MMS22L: variants seen among roughly 807,000 people sequenced by gnomAD.
MMS22L encodes the protein MMS22 like, DNA repair protein, also known as protein MMS22-like.
In MMS22L, 74 loss-of-function variants were observed where a neutral mutation model predicts 159.1. The observed-to-expected ratio is 0.47, with a 90% CI of 0.39 to 0.56. The LOEUF is 0.56. Ranked by LOEUF, MMS22L falls within the 20% of genes least tolerant of loss-of-function variation. The pLI is 0.00. For synonymous variants in MMS22L, 517 were observed against 506.9 expected (o/e 1.02, Z -0.27); for missense variants, 1,351 against 1,422.1 (o/e 0.95, Z 0.80).
At chr6:97,227,891 C>G (rs996312103) in intron 14 of MMS22L, among the ~76,000 whole-genome samples, 1 of 152,182 alleles carries the variant, frequency 6.6e-6, no homozygotes, top group African/African-American at 2.4e-5. Context: ...TTGTTCTTAT[C>G]CACATCAAGT....
chr6:97,202,311 A>G (rs1807260715), intron 14 of MMS22L, among the ~76,000 whole-genome samples: 1 of 152,182 alleles, frequency 6.6e-6, no homozygotes, highest in African/African-American at 2.4e-5. Context: ...CACTAACAGA[A>G]GGGTGTTTAC....
intron 14 of MMS22L, among the ~76,000 whole-genome samples, chr6:97,218,194 A>G (rs1007222036): frequency 1.3e-5 from 2 of 152,202 alleles, no homozygotes; most frequent in African/African-American, 4.8e-5. Context: ...AACTGGGAAG[A>G]ACAAACCTCC....
chr6:97,196,114 C>G (rs1806472407), intron 14 of MMS22L, among the ~76,000 whole-genome samples: 1 of 152,096 alleles, frequency 6.6e-6, no homozygotes, highest in African/African-American at 2.4e-5. Flanking sequence ...CCTAATAGTT[C>G]AGATCATCTT....
chr6:97,280,070 A>G (rs1474189890), intron 3 of MMS22L, among the ~76,000 whole-genome samples: 1 of 152,196 alleles, frequency 6.6e-6, no homozygotes, highest in African/African-American at 2.4e-5. Context: ...TCAGGATTAC[A>G]GAGGATCACT....
intron 8 of MMS22L, chr6:97,266,018 C>T (rs1288055235): frequency 7.2e-5 from 11 of 152,212 alleles, no homozygotes; most frequent in Admixed American, 7.2e-4. Flanking sequence ...CCGCGCCTAG[C>T]TGACATTTCT....
intron 14 of MMS22L, among the ~76,000 whole-genome samples, chr6:97,195,564 A>C (rs1806403598): frequency 6.6e-6 from 1 of 151,504 alleles, no homozygotes; most frequent in African/African-American, 2.5e-5. Context: ...TTGTTCAGTC[A>C]TATGTTTTCT....
At chr6:97,235,220 T>A (rs1244930758) in intron 11 of MMS22L, among the ~76,000 whole-genome samples, 2 of 152,136 alleles carry the variant, frequency 1.3e-5, no homozygotes, top group African/African-American at 2.4e-5. Context: ...TGCTGGTAAA[T>A]TACATTAAAG....
chr6:97,210,306 T>C (rs2127941818), intron 14 of MMS22L, among the ~76,000 whole-genome samples: 1 of 152,052 alleles, frequency 6.6e-6, no homozygotes, highest in South Asian at 2.1e-4. Context: ...GAATCAGGTA[T>C]CAATTTTAAC....
At chr6:97,236,014 C>T (rs986341643) in intron 11 of MMS22L, among the ~76,000 whole-genome samples, 3 of 152,028 alleles carry the variant, frequency 2.0e-5, no homozygotes, top group African/African-American at 4.8e-5. Flanking sequence ...GAGAAGAGTA[C>T]GTATTAAATT....
chr6:97,233,910 G>A lies in MMS22L; in HGVS notation c.1253C>T (p.Pro418Leu). 6.2e-7 allele frequency: 1 copy of A among 1,611,300 alleles called. No homozygotes were observed. Among genetic ancestry groups the A allele is most frequent in the Non-Finnish European group, 8.5e-7 (1 of 1,178,676 alleles). The change falls in exon 12 of 25, where the codon CCA (proline) becomes CTA (leucine). Residue 418 changes from proline (P) to leucine (L), a missense_variant. By Grantham distance (98) the Pro-to-Leu change is moderately conservative (BLOSUM62 -3). Transcript: ENST00000683635. ...TAAAATGGTAACAATTGCAATGTTT[G>A]GCTCCCAGAAATCACAAAGTGTCAA... ...CCLTLCDFWE[P>L]NIAIVTILWE... is the part of the protein sequence containing the mutation.
chr6:97,186,705 A>C lies in MMS22L; in HGVS notation c.2040-15T>G. 1 of 1,493,508 alleles carries C rather than the reference A, an allele frequency of 6.7e-7. No homozygotes were observed. Among genetic ancestry groups the C allele is most frequent in the African/African-American group, 1.4e-5 (1 of 69,714 alleles). The allele number at this position is 1,493,508 out of a possible 1,614,324, so 92.5% of individuals were successfully genotyped here. A position where few individuals can be genotyped will look rare whatever the true frequency, so the allele number is the denominator to read the frequency against. On this transcript the variant is annotated splice_polypyrimidine_tract_variant and intron_variant, in intron 14 of 24. Transcript: ENST00000683635. Reference sequence around the variant, plus strand: ...GATGCATACTCCTAAAAAGAAATAAAAATACAGCTAACACCCTTAATAAAT... The same window carrying C: ...GATGCATACTCCTAAAAAGAAATAACAATACAGCTAACACCCTTAATAAAT...
intron 10 of MMS22L, among the ~76,000 whole-genome samples, chr6:97,250,862 T>G (rs1346610177): frequency 6.6e-6 from 1 of 152,214 alleles, no homozygotes; most frequent in Non-Finnish European, 1.5e-5. Flanking sequence ...TAGCCATTAT[T>G]ACTTCATATC....
intron 14 of MMS22L, among the ~76,000 whole-genome samples, chr6:97,198,427 G>A (rs1209959105): frequency 6.6e-6 from 1 of 152,108 alleles, no homozygotes; most frequent in East Asian, 1.9e-4. Flanking sequence ...AGCTGCCCTT[G>A]GCTTTTCAAA....
Position 97,151,799 on chromosome 6 carries a change from GTTC to G in MMS22L, c.3451_3453del (p.Glu1151del), listed in dbSNP as rs1451434256. 3.7e-6 allele frequency: 6 copies of G among 1,613,510 alleles called. No individual in the cohort carries two copies. In the East Asian group the frequency reaches 6.7e-5, roughly 18 times the overall value. On this transcript the variant is annotated inframe_deletion, in exon 23 of 25. Transcript: ENST00000683635. ...AACACAGAAGTCAGCTGGGAGGAAG[GTTC>G]TTCTTCTGACCCCACTTGGCAGGCT...
Position 97,281,372 on chromosome 6 carries a change from A to G in MMS22L, c.165-10T>C. 6.3e-7 allele frequency: 1 copy of G among 1,584,924 alleles called. No individual in the cohort carries two copies. Among genetic ancestry groups the G allele is most frequent in the East Asian group, 2.2e-5 (1 of 44,624 alleles). ...AAGATTCAAAATCAATCTGAAATGA[A>G]AATTGTTTCAATCTCATAAAAAGTA... On this transcript the variant is annotated splice_polypyrimidine_tract_variant and intron_variant, in intron 2 of 24. Transcript: ENST00000683635.
At chr6:97,239,163 T>C (rs1811785033) in intron 11 of MMS22L, among the ~76,000 whole-genome samples, 1 of 151,874 alleles carries the variant, frequency 6.6e-6, no homozygotes, top group Non-Finnish European at 1.5e-5. Flanking sequence ...GAAACACTGA[T>C]TTTTAGTTAG....
At chr6:97,228,126 G>C (rs541658922) in intron 14 of MMS22L, among the ~76,000 whole-genome samples, 5 of 152,182 alleles carry the variant, frequency 3.3e-5, no homozygotes, top group African/African-American at 1.2e-4. Context: ...CTTCCTTATG[G>C]GCACAAAATT....
Position 97,181,927 on chromosome 6 carries a change from A to G in MMS22L, c.2361T>C (p.Tyr787=). Reference sequence around the variant, plus strand: ...ACCTATTTTGTAGGACATGACTTAAATATCTTGCTACAACTTGAGGGCAGA... The same window carrying G: ...ACCTATTTTGTAGGACATGACTTAAGTATCTTGCTACAACTTGAGGGCAGA... ...DIICPQVVAR[Y]LSHVLQNSTL... Residue 787 remains tyrosine, a synonymous_variant, in exon 16 of 25, where the codon TAT becomes TAC. Coordinates refer to ENST00000683635, the MANE Select transcript of MMS22L (RefSeq NM_001350599.2). 1.2e-6 allele frequency: 2 copies of G among 1,613,108 alleles called. No homozygotes were observed. Among genetic ancestry groups the G allele is most frequent in the South Asian group, 2.2e-5 (2 of 90,774 alleles).
intron 14 of MMS22L, among the ~76,000 whole-genome samples, chr6:97,228,680 T>G (rs1281410194): frequency 6.6e-6 from 1 of 152,162 alleles, no homozygotes; most frequent in Non-Finnish European, 1.5e-5. Context: ...TCCAAAACAC[T>G]TCTAGTCCCA....
Sources: allele counts gnomAD v4.1 joint callset (sites outside exome capture counted in the v4.1 genomes callset), GRCh38; gene constraint gnomAD v4.1.1; transcripts MANE v1.5; gene names NCBI Gene and HGNC (gene_info 2026-07-23, HGNC 2026-07-21).